DYSF: variants seen among roughly 807,000 people sequenced by gnomAD.
The protein encoded by DYSF is dystrophy-associated fer-1-like 1.
DYSF carries 212 observed loss-of-function variants against 274.9 expected under a neutral mutation model. The observed-to-expected ratio is 0.77, with a 90% CI of 0.69 to 0.86. The LOEUF (loss-of-function observed/expected upper bound fraction) is 0.86, where lower values mean the gene tolerates loss of function less well. Ranked by LOEUF, DYSF falls within the 40% of genes least tolerant of loss-of-function variation. DYSF has a pLI of 0.00. For missense variants in DYSF, 2,666 were observed against 2,783.2 expected, an observed-to-expected ratio of 0.96 and a Z score of 0.95; for synonymous variants, 1,091 against 1,078.7, an observed-to-expected ratio of 1.01 and a Z score of -0.22.
intron 26 of DYSF, among the ~76,000 whole-genome samples, chr2:71,568,797 G>C (rs2092263321): frequency 2.0e-5 from 3 of 152,090 alleles, no homozygotes; most frequent in Admixed American, 6.5e-5. Flanking sequence ...CTGGGCTCAA[G>C]TGATTCTCCC....
rs986137074 is a variant in DYSF, at chr2:71,516,909, T to G, written c.952-80T>G. 5.5e-5 allele frequency: 71 copies of G among 1,283,788 alleles called. 1 individual carries two copies. Among genetic ancestry groups the G allele is most frequent in the East Asian group, 1.4e-4 (6 of 43,354 alleles). The allele number at this position is 1,283,788 out of a possible 1,614,324, so 79.5% of individuals were successfully genotyped here. A position where few individuals can be genotyped will look rare whatever the true frequency, so the allele number is the denominator to read the frequency against. ...GTGTGAAGTGTTGGCAGTTATTGTT[T>G]GGGAGGGAAGAGCTATTGGGTTGGC... is the stretch of plus-strand genomic sequence containing the variant. On this transcript the variant is annotated intron_variant, in intron 9 of 55. Transcript: ENST00000410020.
At position 71,574,306 on chromosome 2, in the gene DYSF, C is replaced by G. The variant is rs141536854; in HGVS notation, c.3337C>G (p.Arg1113Gly). 7 of 1,614,102 alleles carry G rather than the reference C, an allele frequency of 4.3e-6. No individual in the cohort carries two copies. The highest frequency in any genetic ancestry group is 5.9e-6 in the Non-Finnish European group (7 of 1,179,990). ...KTDAFRRRRW[R>G]RRMEPLEKTG... ...AGATGCCTTCCGCCGCCGCCGCTGG[C>G]GCCGTCGCATGGAGCCACTGGAGAA... The change falls in exon 30 of 56, where the codon CGC (arginine) becomes GGC (glycine). Residue 1113 changes from arginine (R) to glycine (G), a missense_variant. Physicochemically the swap from Arg to Gly is moderately radical, Grantham distance 125. Transcript: ENST00000410020.
At chr2:71,494,689 C>T (rs1053518216) in intron 3 of DYSF, among the ~76,000 whole-genome samples, 9 of 152,208 alleles carry the variant, frequency 5.9e-5, no homozygotes, top group African/African-American at 2.2e-4. Flanking sequence ...TGACTCATGC[C>T]TTGAGCCTCA....
chr2:71,670,631 C>A (rs2095102924), intron 51 of DYSF, among the ~76,000 whole-genome samples: 1 of 152,216 alleles, frequency 6.6e-6, no homozygotes, highest in Non-Finnish European at 1.5e-5. Flanking sequence ...GATTTGGGGA[C>A]CTCGGTCTCT....
At chr2:71,537,089 C>T (rs1210188586) in intron 16 of DYSF, among the ~76,000 whole-genome samples, 1 of 152,090 alleles carries the variant, frequency 6.6e-6, no homozygotes, top group Non-Finnish European at 1.5e-5. Context: ...GTCAGAAATC[C>T]AATTCCTTTT....
At chr2:71,486,481 C>A (rs1490206145) in intron 3 of DYSF, among the ~76,000 whole-genome samples, 1 of 152,176 alleles carries the variant, frequency 6.6e-6, no homozygotes, top group Non-Finnish European at 1.5e-5. Flanking sequence ...CGCCACTGTC[C>A]TCTCTTTCCT....
chr2:71,526,215 T>G lies in DYSF; in HGVS notation c.1150-5T>G, dbSNP rs1164462056. ...TGAAGGAATCGTATTTGGTTTTCTT[T>G]GTAGCTGGAGAGAAAAGACCCCTCT... On this transcript the variant is annotated splice_region_variant and splice_polypyrimidine_tract_variant and intron_variant, in intron 12 of 55. Transcript: ENST00000410020. 1.9e-6 allele frequency: 3 copies of G among 1,614,254 alleles called. No individual in the cohort carries two copies. The highest frequency in any genetic ancestry group is 3.3e-5 in the Admixed American group (2 of 60,038).
rs71402988 is a variant in DYSF at position 71,518,255 on chromosome 2, ATT to A, written c.1002+1234_1002+1235del. Among the ~76,000 whole-genome samples, 915 of 138,760 alleles carry A rather than the reference ATT, an allele frequency of 6.6e-3. 4 individuals carry two copies. The highest frequency in any genetic ancestry group is 0.02 in the African/African-American group (734 of 37,588). The allele number at this position is 138,760 out of a possible 152,430, so 91.0% of individuals were successfully genotyped here. On this transcript the variant is annotated intron_variant, in intron 10 of 55. Coordinates refer to ENST00000410020, the MANE Select transcript of DYSF (RefSeq NM_001130987.2). ...GCACAGACTAAAGGAGACCTGTATG[ATT>A]TTTTTTTTTTTTTTTTTGAGATGGA...
At chr2:71,605,243 C>A (rs1370931807) in intron 36 of DYSF, among the ~76,000 whole-genome samples, 1 of 152,232 alleles carries the variant, frequency 6.6e-6, no homozygotes, top group Non-Finnish European at 1.5e-5. Context: ...TCTTCTGAGC[C>A]CTCTGTCTGG....
At chr2:71,570,378 TC>T in intron 28 of DYSF, 44 bp downstream of exon 28, 1 of 1,587,992 alleles carries the variant, frequency 6.3e-7, no homozygotes. Context: ...CCCGGCAAGC[TC>T]TCAAGCCATG....
chr2:71,511,715 T>A, intron 4 of DYSF, 92 bp from the exon 5 acceptor site: 1 of 856,334 alleles, frequency 1.2e-6, no homozygotes, highest in South Asian at 1.4e-5. Context: ...CCATATTCCT[T>A]GGTGGAGGGA....
chr2:71,536,021 C>T (rs970921205), intron 16 of DYSF, among the ~76,000 whole-genome samples: 6 of 152,156 alleles, frequency 3.9e-5, no homozygotes, highest in Non-Finnish European at 7.3e-5. Context: ...TAGCTGAGGC[C>T]AGGCTTGAAC....
rs565366387 is a variant in DYSF at position 71,602,735 on chromosome 2, A to G, written c.3928-41A>G. Reference sequence around the variant, plus strand: ...ACTTTTTCCCCTTCCAACCCCTCTCACCATCTCCTGGATGTGCCACATCCC... The same window carrying G: ...ACTTTTTCCCCTTCCAACCCCTCTCGCCATCTCCTGGATGTGCCACATCCC... On this transcript the variant is annotated intron_variant, in intron 35 of 55. Transcript: ENST00000410020. 8 of 1,608,348 alleles carry G rather than the reference A, an allele frequency of 5.0e-6. No homozygotes were observed. In the South Asian group the frequency reaches 5.6e-5, roughly 11 times the overall value.
intron 16 of DYSF, among the ~76,000 whole-genome samples, chr2:71,538,526 A>C (rs1482760367): frequency 1.3e-5 from 2 of 152,192 alleles, no homozygotes; most frequent in African/African-American, 4.8e-5. Context: ...AAGTACCTAC[A>C]TGGCTTTAAG....
At chr2:71,617,628 A>G (rs1198352664) in intron 40 of DYSF, among the ~76,000 whole-genome samples, 38 of 55,192 alleles carry the variant, frequency 6.9e-4, no homozygotes, top group African/African-American at 8.7e-4. Context: ...GGTAGAGGTG[A>G]TGTGTGTGGC....
intron 40 of DYSF, 123 bp downstream of exon 40, chr2:71,613,533 C>T: frequency 1.1e-6 from 1 of 912,964 alleles, no homozygotes; most frequent in Non-Finnish European, 1.8e-6. Flanking sequence ...CTTCTGGGCT[C>T]TGCGGTTGGA....
chr2:71,684,921 A>G (rs1045144408), intron 55 of DYSF, among the ~76,000 whole-genome samples: 1 of 152,204 alleles, frequency 6.6e-6, no homozygotes, highest in South Asian at 2.1e-4. Context: ...GAGCACTGTC[A>G]TCTTCCCTGG....
chr2:71,632,383 A>G lies in DYSF; in HGVS notation c.4528-11582A>G, dbSNP rs145188871. ...AATGTGATTTTGTATATGAAAATGC[A>G]TACAGTAACTAGAAAGTAGGTTGAC... On this transcript the variant is annotated intron_variant, in intron 41 of 55. Transcript: ENST00000410020. 3.0e-3 allele frequency among the ~76,000 whole-genome samples: 462 copies of G among 152,366 alleles called. 2 individuals carry two copies. The highest frequency in any genetic ancestry group is 0.011 in the African/African-American group (446 of 41,592).
chr2:71,664,633 G>A (rs183202160), intron 46 of DYSF, among the ~76,000 whole-genome samples, 195 bp downstream of exon 46: 3 of 152,316 alleles, frequency 2.0e-5, no homozygotes, highest in Non-Finnish European at 4.4e-5. Flanking sequence ...AGATGTTATT[G>A]CTTGTAAGTG....
Sources: gnomAD v4.1 joint callset for allele counts (sites outside exome capture counted in the v4.1 genomes callset) on GRCh38, gnomAD v4.1.1 for gene constraint, MANE v1.5 for transcripts, NCBI Gene and HGNC (gene_info 2026-07-23, HGNC 2026-07-21) for gene names.